The following PTPRF variants were observed in gnomAD, a reference collection of about 807,000 sequenced individuals.
The protein encoded by PTPRF is protein tyrosine phosphatase receptor type F, also known as receptor-type tyrosine-protein phosphatase F.
PTPRF carries 59 observed loss-of-function variants against 201.8 expected under a neutral mutation model. The observed-to-expected ratio is 0.29, with a 90% CI of 0.24 to 0.36. The LOEUF (loss-of-function observed/expected upper bound fraction) is 0.36, where lower values mean the gene tolerates loss of function less well. PTPRF is among the 10% of genes least tolerant of loss of function. The probability of loss-of-function intolerance (pLI) is 1.00; values close to 1 mark genes in which losing one functional copy is unlikely to be tolerated. For missense variants in PTPRF, 2,132 were observed against 2,690.5 expected (o/e 0.79, Z 4.59); for synonymous variants, 1,088 against 1,089.7 (o/e 1.00, Z 0.03).
Position 43,621,171 on chromosome 1 carries a change from T to C in PTPRF, c.5594T>C (p.Val1865Ala). The change falls in exon 33 of 34, where the codon GTC becomes GCC. Residue 1865 changes from valine to alanine, a missense_variant. Val to Ala is a moderately conservative substitution (Grantham distance 64). This residue lies in a region of PTPRF where 519 missense variants were observed against 659.5 expected (regional missense o/e 0.79). Coordinates refer to ENST00000359947, the MANE Select transcript of PTPRF (RefSeq NM_002840.5). ...VLERMRYEGVVDMFQTVKTLR... is the reference protein window; with the variant it reads ...VLERMRYEGVADMFQTVKTLR... Reference sequence around the variant, plus strand: ...GAGCGCATGCGCTACGAGGGCGTGGTCGACATGTTTCAGACCGTGAAGACC... The same window carrying C: ...GAGCGCATGCGCTACGAGGGCGTGGCCGACATGTTTCAGACCGTGAAGACC... 2 of 1,614,156 alleles carry C rather than the reference T, an allele frequency of 1.2e-6. No homozygotes were observed. The highest frequency in any genetic ancestry group is 1.7e-6 in the Non-Finnish European group (2 of 1,179,990).
chr1:43,606,331 A>T lies in PTPRF; in HGVS notation c.3575A>T (p.Asp1192Val). 3 of 1,614,146 alleles carry T rather than the reference A, an allele frequency of 1.9e-6. No individual in the cohort carries two copies. Among genetic ancestry groups the T allele is most frequent in the Non-Finnish European group, 2.5e-6 (3 of 1,180,024 alleles). Reference sequence around the variant, plus strand: ...AAGCCATATGTGGCTGCTCAACTGGATGTGCTCCCGGAGACCTTTACCTTG... The same window carrying T: ...AAGCCATATGTGGCTGCTCAACTGGTTGTGCTCCCGGAGACCTTTACCTTG... ...RLKPYVAAQL[D>V]VLPETFTLGD... The change falls in exon 20 of 34, where the codon GAT (aspartate) becomes GTT (valine). Residue 1192 changes from aspartate to valine, a missense_variant. Transcript: ENST00000359947.
intron 8 of PTPRF, 32 bp from the exon 9 acceptor site, chr1:43,590,940 G>C: frequency 1.3e-6 from 2 of 1,566,844 alleles, no homozygotes; most frequent in Non-Finnish European, 8.7e-7. Flanking sequence ...TCTTGACCTC[G>C]GGCAGCTTTG....
At position 43,597,039 on chromosome 1, in the gene PTPRF, G is replaced by A. The variant is rs545048833; in HGVS notation, c.1814-709G>A. ...TGAGACACCAAGACAGTATATGTGC[G>A]AGACAGCCTATGTATGTGACAGTGT... is the stretch of plus-strand genomic sequence containing the variant. On this transcript the variant is annotated intron_variant, in intron 11 of 33. Transcript: ENST00000359947. Among the ~76,000 whole-genome samples, 16 of 152,166 alleles carry A rather than the reference G, an allele frequency of 1.1e-4. 1 individual carries two copies. In the South Asian group the frequency reaches 2.1e-3, roughly 20 times the overall value.
Position 43,606,922 on chromosome 1 carries a change from G to A in PTPRF, c.3811G>A (p.Val1271Ile). The change falls in exon 21 of 34, where the codon GTC becomes ATC. Residue 1271 changes from valine (V) to isoleucine (I), a missense_variant. This residue lies in a region of PTPRF where 818 missense variants were observed against 915.3 expected (regional missense o/e 0.89). Transcript: ENST00000359947. Reference protein sequence around the residue: ...MLWVTGPVLAVILIILIVIAI... With the variant: ...MLWVTGPVLAIILIILIVIAI... ...GTGGGTGACGGGTCCCGTGCTGGCA[G>A]TCATCCTCATCATCCTCATTGTCAT... The A allele has an allele frequency of 6.2e-7, 1 of 1,614,214 alleles. No homozygotes were observed. Among genetic ancestry groups the A allele is most frequent in the Admixed American group, 1.7e-5 (1 of 60,024 alleles).
At chr1:43,587,731 A>C (rs751663930) in intron 7 of PTPRF, among the ~76,000 whole-genome samples, 1 of 152,114 alleles carries the variant, frequency 6.6e-6, no homozygotes, top group Non-Finnish European at 1.5e-5. Context: ...CCCGTGTAGG[A>C]CACACCCTGG....
chr1:43,531,399 G>GC (rs1304343975), intron 1 of PTPRF, among the ~76,000 whole-genome samples: 51 of 34,130 alleles, frequency 1.5e-3, no homozygotes, highest in South Asian at 0.012. Context: ...GCCGCAGCCC[G>GC]CCCCCCCCAC....
At chr1:43,620,690 G>C in intron 31 of PTPRF, 111 bp downstream of exon 31, 1 of 1,538,228 alleles carries the variant, frequency 6.5e-7, no homozygotes, top group African/African-American at 1.4e-5. Flanking sequence ...CGGTGGGTGG[G>C]TATTAGGGTG....
At chr1:43,540,061 G>A (rs900011518) in intron 2 of PTPRF, among the ~76,000 whole-genome samples, 1 of 152,106 alleles carries the variant, frequency 6.6e-6, no homozygotes, top group Non-Finnish European at 1.5e-5. Flanking sequence ...TCTGTGTTGG[G>A]GTTTCTCAGC....
intron 19 of PTPRF, 82 bp from the exon 20 acceptor site, chr1:43,606,158 G>T (rs543946488): frequency 6.5e-5 from 94 of 1,452,072 alleles, no homozygotes; most frequent in Non-Finnish European, 8.5e-5. Context: ...TCGGCCCAGG[G>T]AGCTGACATC....
chr1:43,526,828 G>A (rs1362000159), upstream of PTPRF, among the ~76,000 whole-genome samples: 1 of 152,204 alleles, frequency 6.6e-6, no homozygotes, highest in African/African-American at 2.4e-5. Context: ...AAAAATAGTG[G>A]AAGCCCTGTG....
At chr1:43,593,685 A>G (rs557684687) in intron 11 of PTPRF, among the ~76,000 whole-genome samples, 9 of 149,526 alleles carry the variant, frequency 6.0e-5, no homozygotes, top group African/African-American at 2.0e-4. Context: ...CACAAATGTC[A>G]TTAAAAGCTC....
At chr1:43,599,844 G>C (rs1273204810) in intron 13 of PTPRF, among the ~76,000 whole-genome samples, 1 of 152,140 alleles carries the variant, frequency 6.6e-6, no homozygotes, top group East Asian at 1.9e-4. Flanking sequence ...GCTGTCATGA[G>C]CCCCCTCCCA....
At chr1:43,615,182 C>A (rs1174052798) in intron 23 of PTPRF, among the ~76,000 whole-genome samples, 3 of 152,208 alleles carry the variant, frequency 2.0e-5, no homozygotes, top group African/African-American at 7.2e-5. Context: ...GCTTGGCAGG[C>A]AAATGGATGA....
At chr1:43,602,878 G>A (rs1654111311) in intron 14 of PTPRF, among the ~76,000 whole-genome samples, 1 of 152,148 alleles carries the variant, frequency 6.6e-6, no homozygotes, top group African/African-American at 2.4e-5. Flanking sequence ...GTATTGCAGG[G>A]TATAGACATT....
intron 13 of PTPRF, 86 bp from the exon 14 acceptor site, chr1:43,601,985 G>A (rs1653860569): frequency 1.3e-6 from 2 of 1,509,256 alleles, no homozygotes; most frequent in Non-Finnish European, 1.8e-6. Context: ...TGTCCTCCCT[G>A]GGCAAGGTCC....
chr1:43,545,251 G>C lies in PTPRF; in HGVS notation c.91+85G>C, dbSNP rs910852352. On this transcript the variant is annotated intron_variant, in intron 3 of 33. Coordinates refer to ENST00000359947, the MANE Select transcript of PTPRF (RefSeq NM_002840.5). ...AGGACTCTGGGATGGGGACAGACCG[G>C]CTACTAGGAGAGACAGGGTGGCCAG... 16 of 1,386,224 alleles carry C rather than the reference G, an allele frequency of 1.2e-5. No individual in the cohort carries two copies. The African/African-American group carries it at 1.4e-4, about 13-fold the overall frequency. The allele number at this position is 1,386,224 out of a possible 1,614,324, so 85.9% of individuals were successfully genotyped here.
At chr1:43,539,810 G>A (rs757358497) in intron 2 of PTPRF, among the ~76,000 whole-genome samples, 1 of 152,214 alleles carries the variant, frequency 6.6e-6, no homozygotes, top group South Asian at 2.1e-4. Flanking sequence ...CTAGCTGATG[G>A]CATGTCTGGT....
intron 7 of PTPRF, among the ~76,000 whole-genome samples, chr1:43,582,849 C>T (rs1379055249): frequency 6.6e-6 from 1 of 152,232 alleles, no homozygotes. Context: ...GGGCCTCAGC[C>T]CTGTCCACCA....
intron 22 of PTPRF, among the ~76,000 whole-genome samples, chr1:43,611,457 G>A (rs1656429876): frequency 6.6e-6 from 1 of 152,304 alleles, no homozygotes; most frequent in Admixed American, 6.5e-5. Context: ...ATGAGAGTTA[G>A]GGGCTTGGGG....
Sources: gnomAD v4.1 joint callset for allele counts (sites outside exome capture counted in the v4.1 genomes callset) on GRCh38, gnomAD v4.1.1 for gene constraint, gnomAD v4.1.1 regional missense constraint, MANE v1.5 for transcripts, NCBI Gene and HGNC (gene_info 2026-07-23, HGNC 2026-07-21) for gene names.